Variants in ANKRD36 observed in about 807,000 individuals in gnomAD.
ANKRD36 encodes ankyrin repeat domain 36, also known as ankyrin repeat domain-containing protein 36A.
A neutral mutation model predicts 278.1 loss-of-function variants in ANKRD36; 179 were observed. That is an observed-to-expected ratio of 0.64 (90% CI 0.57 to 0.73). The LOEUF (loss-of-function observed/expected upper bound fraction) is 0.73, where lower values mean the gene tolerates loss of function less well. Among genes scored for constraint, ANKRD36 ranks in the 30% least tolerant of loss-of-function variants. The pLI, the probability that ANKRD36 is intolerant of heterozygous loss-of-function variation, is 0.00. For synonymous variants in ANKRD36, 320 were observed against 641.1 expected, an observed-to-expected ratio of 0.50 and a Z score of 7.57; for missense variants, 1,159 against 1,956.7, an observed-to-expected ratio of 0.59 and a Z score of 7.69.
intron 18 of ANKRD36, chr2:97,163,794 C>T (rs571995187): frequency 4.4e-6 from 2 of 454,198 alleles, no homozygotes; most frequent in African/African-American, 8.6e-5. Flanking sequence ...CCAGGATGGT[C>T]TCCATCTCCT....
At chr2:97,121,286 G>A (rs1204965736) in intron 3 of ANKRD36, among the ~76,000 whole-genome samples, 13 of 152,118 alleles carry the variant, frequency 8.5e-5, no homozygotes, top group Non-Finnish European at 1.8e-4. Flanking sequence ...TGGTATGGTT[G>A]CATAGGTTAT....
chr2:97,144,587 A>C (rs746288613), intron 9 of ANKRD36, 41 bp downstream of exon 9: 9 of 1,569,238 alleles, frequency 5.7e-6, no homozygotes, highest in Non-Finnish European at 7.7e-6. Flanking sequence ...TTAACTGTAT[A>C]GTCTATGGAA....
intron 48 of ANKRD36, 72 bp from the exon 49 acceptor site, chr2:97,203,996 A>ATT: frequency 6.5e-7 from 1 of 1,533,426 alleles, no homozygotes; most frequent in Non-Finnish European, 8.8e-7. Context: ...GCTGATGCTA[A>ATT]CACTGCATGA....
intron 6 of ANKRD36, among the ~76,000 whole-genome samples, chr2:97,135,382 AAG>A (rs1295112475): frequency 6.6e-6 from 1 of 151,982 alleles, no homozygotes; most frequent in African/African-American, 2.4e-5. Flanking sequence ...TAGGCACAAT[AAG>A]AGATTAATAA....
At chr2:97,124,933 T>A (rs1221112174) in intron 5 of ANKRD36, among the ~76,000 whole-genome samples, 4 of 151,870 alleles carry the variant, frequency 2.6e-5, no homozygotes, top group African/African-American at 4.8e-5. Context: ...ATCTTTGATT[T>A]TTCTAATTAG....
chr2:97,218,513 A>G (rs1046668926), intron 64 of ANKRD36, among the ~76,000 whole-genome samples: 1 of 150,974 alleles, frequency 6.6e-6, no homozygotes, highest in Non-Finnish European at 1.5e-5. Flanking sequence ...TTCACCAAAC[A>G]TATATCCAAG....
intron 15 of ANKRD36, among the ~76,000 whole-genome samples, chr2:97,155,598 C>G (rs1171173245): frequency 6.9e-6 from 1 of 145,784 alleles, no homozygotes; most frequent in Non-Finnish European, 1.5e-5. Flanking sequence ...AAATAACAAC[C>G]TGTTTGATAA....
At chr2:97,163,788 G>A in intron 18 of ANKRD36, 1 of 513,950 alleles carries the variant, frequency 1.9e-6, no homozygotes, top group Non-Finnish European at 2.5e-6. Flanking sequence ...TGTTAGCCAG[G>A]ATGGTCTCCA....
In ANKRD36 at chr2:97,202,351, G is replaced by A. The variant is rs375648430; in HGVS notation, c.2917G>A (p.Gly973Ser). Reference protein sequence around the residue: ...GTSDEEDSVLGIARENKDGEK... With the variant: ...GTSDEEDSVLSIARENKDGEK... ...AAGTGACGAGGAAGATTCTGTTTTG[G>A]GTATAGCCAGAGAAAACAAGGATGG... Residue 973 changes from glycine to serine, a missense_variant, in exon 48 of 76, where the codon GGT (glycine) becomes AGT (serine). Gly to Ser is a moderately conservative substitution (Grantham distance 56). Coordinates refer to ENST00000420699, the MANE Select transcript of ANKRD36 (RefSeq NM_001354587.1). 96 of 1,562,762 alleles carry A rather than the reference G, an allele frequency of 6.1e-5. No individual in the cohort carries two copies. The highest frequency in any genetic ancestry group is 4.6e-4 in the East Asian group (19 of 41,754).
chr2:97,174,149 A>C (rs1234495471), intron 22 of ANKRD36, among the ~76,000 whole-genome samples: 1 of 151,624 alleles, frequency 6.6e-6, no homozygotes, highest in Non-Finnish European at 1.5e-5. Context: ...CTGATTACAC[A>C]TTATTTCATT....
rs994405267 is a variant in ANKRD36 at position 97,183,714 on chromosome 2, C to A, written c.1939+60C>A. The A allele has an allele frequency of 2.2e-5, 33 of 1,498,912 alleles. No homozygotes were observed. The African/African-American group carries it at 4.2e-4, about 19-fold the overall frequency. The allele number at this position is 1,498,912 out of a possible 1,614,324, so 92.9% of individuals were successfully genotyped here. ...CTCAAGACAGAAGAGAACGTCCCACCCCTGAATAGATCAGTGGGGTGTCAT... is the reference window on the plus strand; with the variant it reads ...CTCAAGACAGAAGAGAACGTCCCACACCTGAATAGATCAGTGGGGTGTCAT... On this transcript the variant is annotated intron_variant, in intron 28 of 75. Transcript: ENST00000420699.
Position 97,185,656 on chromosome 2 carries a change from G to A in ANKRD36, c.2041+146G>A. The stretch of plus-strand genomic sequence containing the variant: ...TTCTTCATTTGTAATAAGTTCTCGG[G>A]TGATGCTGATGCTGCTGGTCTTGGA... On this transcript the variant is annotated intron_variant, in intron 30 of 75. Coordinates refer to ENST00000420699, the MANE Select transcript of ANKRD36 (RefSeq NM_001354587.1). 8.3e-6 allele frequency: 9 copies of A among 1,086,050 alleles called. No individual in the cohort carries two copies. The South Asian group carries it at 1.3e-4, about 16-fold the overall frequency. 67.3% of individuals were successfully genotyped at this position (1,086,050 alleles called of 1,614,324 possible).
intron 45 of ANKRD36, 35 bp from the exon 46 acceptor site, chr2:97,200,418 A>G: frequency 4.4e-6 from 7 of 1,601,376 alleles, no homozygotes; most frequent in Non-Finnish European, 5.9e-6. Flanking sequence ...TATGAAACAT[A>G]CCTTATTTAT....
Position 97,181,674 on chromosome 2 carries a change from T to C in ANKRD36, c.1765-47T>C, listed in dbSNP as rs573541453. The C allele has an allele frequency of 8.1e-6, 13 of 1,605,482 alleles. No individual in the cohort carries two copies. The East Asian group carries it at 2.7e-4, about 33-fold the overall frequency. ...GTTGAACTATTAACTGTATAGTCTA[T>C]GAAACCTACTTTACATATTGATTAT... On this transcript the variant is annotated intron_variant, in intron 25 of 75. Transcript: ENST00000420699.
chr2:97,172,371 A>G (rs1356411356), intron 22 of ANKRD36, among the ~76,000 whole-genome samples: 1 of 151,942 alleles, frequency 6.6e-6, no homozygotes, highest in Non-Finnish European at 1.5e-5. Flanking sequence ...TGTGATGACT[A>G]CAGCATATTA....
intron 40 of ANKRD36, among the ~76,000 whole-genome samples, chr2:97,195,234 G>A (rs13005712): frequency 0.64 from 97,214 of 150,980 alleles, 31,145 homozygotes; most frequent in Non-Finnish European, 0.79. Flanking sequence ...GTACGGAGAA[G>A]GAGAGGAAGT....
intron 54 of ANKRD36, among the ~76,000 whole-genome samples, chr2:97,208,331 G>A (rs1283411989): frequency 6.8e-6 from 1 of 146,588 alleles, no homozygotes; most frequent in African/African-American, 2.7e-5. Context: ...GAGAAAGAGA[G>A]GAAGTATAGA....
chr2:97,198,457 T>C lies in ANKRD36; in HGVS notation c.2654-6T>C, dbSNP rs769293995. The C allele has an allele frequency of 1.9e-6, 3 of 1,577,844 alleles. No individual in the cohort carries two copies. The highest frequency in any genetic ancestry group is 1.2e-5 in the South Asian group (1 of 85,468). On this transcript the variant is annotated splice_polypyrimidine_tract_variant and splice_region_variant and intron_variant, in intron 42 of 75. Coordinates refer to ENST00000420699, the MANE Select transcript of ANKRD36 (RefSeq NM_001354587.1). ...TGAGTGATTATGAATCCCTTTTACT[T>C]TTCAGTGTCTTCTGAGAAACCACCA...
intron 48 of ANKRD36, among the ~76,000 whole-genome samples, chr2:97,202,754 TA>T (rs2061742461): frequency 6.6e-6 from 1 of 151,790 alleles, no homozygotes; most frequent in South Asian, 2.1e-4. Context: ...ATCGTACTGC[TA>T]AAAACAGACA....
Sources: gnomAD v4.1 joint callset for allele counts (sites outside exome capture counted in the v4.1 genomes callset) on GRCh38, gnomAD v4.1.1 for gene constraint, MANE v1.5 for transcripts, NCBI Gene and HGNC (gene_info 2026-07-23, HGNC 2026-07-21) for gene names.